The following MAGI2 variants were observed in gnomAD, a reference collection of about 807,000 sequenced individuals.
MAGI2 encodes the protein membrane associated guanylate kinase, WW and PDZ domain containing 2.
A neutral mutation model predicts 133.3 loss-of-function variants in MAGI2; 35 were observed. That is an observed-to-expected ratio of 0.26 (90% CI 0.20 to 0.35). MAGI2 has a LOEUF of 0.35. Ranked by LOEUF, MAGI2 falls within the 10% of genes least tolerant of loss-of-function variation. The pLI is 1.00. For synonymous variants in MAGI2, 729 were observed against 710.6 expected, an observed-to-expected ratio of 1.03 and a Z score of -0.41; for missense variants, 1,636 against 1,863.4, an observed-to-expected ratio of 0.88 and a Z score of 2.25.
intron 20 of MAGI2, among the ~76,000 whole-genome samples, chr7:78,098,816 A>G (rs939482014): frequency 2.0e-5 from 3 of 152,148 alleles, no homozygotes; most frequent in African/African-American, 7.2e-5. Context: ...ATAAAGTGCT[A>G]TCTTACTGCT....
In MAGI2 at chr7:78,707,193, A is replaced by T. The variant is rs145038642; in HGVS notation, c.419-79954T>A. ...AATAAGATATCAATATTAAAGAATA[A>T]ATTAGCAAAGAATAAAAGAACCACC... On this transcript the variant is annotated intron_variant, in intron 2 of 21. Coordinates refer to ENST00000354212, the MANE Select transcript of MAGI2 (RefSeq NM_012301.4). Among the ~76,000 whole-genome samples the T allele has an allele frequency of 3.3e-5, 5 of 152,262 alleles. No homozygotes were observed. In the East Asian group the frequency reaches 9.6e-4, roughly 29 times the overall value.
intron 10 of MAGI2, among the ~76,000 whole-genome samples, chr7:78,239,575 AC>A (rs1405452719): frequency 6.6e-6 from 1 of 152,230 alleles, no homozygotes; most frequent in African/African-American, 2.4e-5. Context: ...GAAAAAAATA[AC>A]CTGATCAAAA....
intron 2 of MAGI2, among the ~76,000 whole-genome samples, chr7:78,920,334 A>G (rs1030403271): frequency 9.9e-5 from 15 of 152,174 alleles, no homozygotes; most frequent in African/African-American, 3.1e-4. Context: ...CAATTAACAC[A>G]TATCAATGTC....
chr7:79,315,343 TTTTG>T (rs56800207), intron 1 of MAGI2, among the ~76,000 whole-genome samples: 1,404 of 97,608 alleles, frequency 0.014, 10 homozygotes, highest in Non-Finnish European at 0.021. Context: ...TTTTTTTTTT[TTTTG>T]TATTTTTAGT....
intron 9 of MAGI2, among the ~76,000 whole-genome samples, chr7:78,279,695 T>C (rs1221444539): frequency 6.6e-6 from 1 of 152,102 alleles, no homozygotes; most frequent in Non-Finnish European, 1.5e-5. Flanking sequence ...TCATGGGATA[T>C]ATACATGTCT....
intron 10 of MAGI2, among the ~76,000 whole-genome samples, chr7:78,220,249 C>T (rs1032798520): frequency 1.3e-5 from 2 of 152,158 alleles, no homozygotes; most frequent in African/African-American, 2.4e-5. Context: ...CACGAAGTTA[C>T]CTCTTTATAA....
At chr7:78,714,809 C>A (rs1302124792) in intron 2 of MAGI2, among the ~76,000 whole-genome samples, 1 of 152,112 alleles carries the variant, frequency 6.6e-6, no homozygotes, top group African/African-American at 2.4e-5. Flanking sequence ...TCCAAAGATG[C>A]TGAGCGATGG....
chr7:78,974,513 G>A (rs1804066016), intron 2 of MAGI2, among the ~76,000 whole-genome samples: 1 of 151,820 alleles, frequency 6.6e-6, no homozygotes, highest in Admixed American at 6.6e-5. Flanking sequence ...TTTAATAATT[G>A]TGAAACAGTT....
intron 2 of MAGI2, among the ~76,000 whole-genome samples, chr7:78,650,900 C>T (rs1014972726): frequency 3.9e-5 from 6 of 151,984 alleles, no homozygotes; most frequent in South Asian, 4.2e-4. Flanking sequence ...TCTTTGTATC[C>T]GAACAGATAG....
At chr7:78,133,524 C>G (rs922886228) in intron 17 of MAGI2, among the ~76,000 whole-genome samples, 1 of 152,152 alleles carries the variant, frequency 6.6e-6, no homozygotes, top group Admixed American at 6.5e-5. Context: ...CATCCCTTGT[C>G]AGTCTTATTG....
At chr7:78,461,405 T>TGTGC (rs779844393) in intron 6 of MAGI2, among the ~76,000 whole-genome samples, 46 of 150,844 alleles carry the variant, frequency 3.0e-4, no homozygotes, top group African/African-American at 6.1e-4. Flanking sequence ...TGTGTGTGTG[T>TGTGC]GTGTGTGTGT....
At chr7:78,265,251 C>G (rs1355902327) in intron 9 of MAGI2, among the ~76,000 whole-genome samples, 1 of 152,048 alleles carries the variant, frequency 6.6e-6, no homozygotes, top group African/African-American at 2.4e-5. Context: ...AAAATACATT[C>G]TAAGAGAATC....
chr7:79,429,733 G>C (rs1320752593), intron 1 of MAGI2, among the ~76,000 whole-genome samples: 3 of 152,102 alleles, frequency 2.0e-5, no homozygotes, highest in Non-Finnish European at 4.4e-5. Flanking sequence ...ATTGGAAAAA[G>C]TCTTTTGCAT....
intron 6 of MAGI2, among the ~76,000 whole-genome samples, chr7:78,371,986 A>T (rs1354780207): frequency 6.6e-6 from 1 of 152,100 alleles, no homozygotes; most frequent in African/African-American, 2.4e-5. Context: ...ACCTTACAGG[A>T]AACCAATAGC....
At chr7:78,618,673 A>C (rs1312467977) in intron 3 of MAGI2, 1 of 151,958 alleles carries the variant, frequency 6.6e-6, no homozygotes, top group Non-Finnish European at 1.5e-5. Flanking sequence ...TATACAATAG[A>C]ATACTATTCA....
At chr7:78,631,239 C>T (rs1329092901) in intron 2 of MAGI2, among the ~76,000 whole-genome samples, 2 of 152,206 alleles carry the variant, frequency 1.3e-5, no homozygotes, top group Non-Finnish European at 2.9e-5. Context: ...TGGTTTGAAA[C>T]TTTCACCTCA....
rs535882304 is a variant in MAGI2, at chr7:78,705,584, TCAGTGGACTGAGAAGAAGCTGATTC to T, written c.419-78370_419-78346del. Among the ~76,000 whole-genome samples, 20 of 152,234 alleles carry T rather than the reference TCAGTGGACTGAGAAGAAGCTGATTC, an allele frequency of 1.3e-4. No individual in the cohort carries two copies. In the East Asian group the frequency reaches 1.4e-3, roughly 10 times the overall value. ...TCAAGTGATGCTGACAAACTTTCCTTCAGTGGACTGAGAAGAAGCTGATTCCAGTGGACTGTGAAGAAGCTGATTC... is the reference window on the plus strand; with the variant it reads ...TCAAGTGATGCTGACAAACTTTCCTTCAGTGGACTGTGAAGAAGCTGATTC... On this transcript the variant is annotated intron_variant, in intron 2 of 21. Coordinates refer to ENST00000354212, the MANE Select transcript of MAGI2 (RefSeq NM_012301.4).
At chr7:78,935,938 G>A (rs1800476183) in intron 2 of MAGI2, among the ~76,000 whole-genome samples, 1 of 152,032 alleles carries the variant, frequency 6.6e-6, no homozygotes, top group Non-Finnish European at 1.5e-5. Context: ...GAGACACCCA[G>A]CTGTGCTGAA....
At chr7:79,116,152 G>A (rs928618622) in intron 1 of MAGI2, among the ~76,000 whole-genome samples, 17 of 152,082 alleles carry the variant, frequency 1.1e-4, no homozygotes, top group East Asian at 5.8e-4. Context: ...CATCTTTTCC[G>A]TCAGTGTTTT....
Sources: gnomAD v4.1 joint callset for allele counts (sites outside exome capture counted in the v4.1 genomes callset) on GRCh38, gnomAD v4.1.1 for gene constraint, MANE v1.5 for transcripts, NCBI Gene and HGNC (gene_info 2026-07-23, HGNC 2026-07-21) for gene names.